RNF220: variants seen among roughly 807,000 people sequenced by gnomAD.
RNF220 encodes the protein ring finger protein 220, also known as E3 ubiquitin-protein ligase RNF220.
In RNF220, 7 loss-of-function variants were observed where a neutral mutation model predicts 67.1. The ratio of observed to expected loss-of-function variants is 0.10; its 90% CI spans 0.06 to 0.20. The LOEUF is 0.20. RNF220 is among the 10% of genes least tolerant of loss of function. The probability of loss-of-function intolerance (pLI) is 1.00; values close to 1 mark genes in which losing one functional copy is unlikely to be tolerated. For missense variants in RNF220, 565 were observed against 740.3 expected, an observed-to-expected ratio of 0.76 and a Z score of 2.75; for synonymous variants, 270 against 283.2, an observed-to-expected ratio of 0.95 and a Z score of 0.47.
chr1:44,489,480 TG>T (rs1656655517), intron 2 of RNF220, among the ~76,000 whole-genome samples: 1 of 152,232 alleles, frequency 6.6e-6, no homozygotes, highest in South Asian at 2.1e-4. Context: ...GTTATACAAT[TG>T]TTCATGCATT....
In RNF220 at chr1:44,624,341, G is replaced by A. The variant is rs868043684; in HGVS notation, c.804+1554G>A. Among the ~76,000 whole-genome samples the A allele has an allele frequency of 6.6e-5, 10 of 152,324 alleles. No homozygotes were observed. The highest frequency in any genetic ancestry group is 4.1e-4 in the South Asian group (2 of 4,828). ...CAGGGCTGGGGACTTGGACATCAGTGAGGCCTGTGTTCTAAGGACAAACCC... is the reference window on the plus strand; with the variant it reads ...CAGGGCTGGGGACTTGGACATCAGTAAGGCCTGTGTTCTAAGGACAAACCC... On this transcript the variant is annotated intron_variant, in intron 4 of 14. Coordinates refer to ENST00000361799, the MANE Select transcript of RNF220 (RefSeq NM_018150.4). The surrounding 1 kb of genome is among the most constrained non-coding windows in gnomAD (Gnocchi z 4.2).
chr1:44,424,504 G>T (rs903415457), intron 2 of RNF220, among the ~76,000 whole-genome samples: 4 of 152,210 alleles, frequency 2.6e-5, no homozygotes, highest in African/African-American at 4.8e-5. Context: ...TCGGGGGAAG[G>T]TTTCACCGAG....
intron 2 of RNF220, among the ~76,000 whole-genome samples, chr1:44,560,011 C>T (rs934982297): frequency 5.9e-5 from 9 of 152,184 alleles, no homozygotes; most frequent in Non-Finnish European, 1.2e-4. Flanking sequence ...CAGCACCTCC[C>T]GGCTCTCTGG....
intron 2 of RNF220, among the ~76,000 whole-genome samples, chr1:44,584,331 G>A (rs1665538107): frequency 6.6e-6 from 1 of 152,208 alleles, no homozygotes; most frequent in South Asian, 2.1e-4. Flanking sequence ...CAGCCGCTAG[G>A]AAGGAGCTGT....
intron 2 of RNF220, among the ~76,000 whole-genome samples, chr1:44,543,329 G>C (rs895744972): frequency 6.6e-6 from 1 of 152,182 alleles, no homozygotes; most frequent in Non-Finnish European, 1.5e-5. Flanking sequence ...GGGCTGGGGG[G>C]AGGGGAGGGG....
At chr1:44,546,734 A>G (rs184008694) in intron 2 of RNF220, among the ~76,000 whole-genome samples, 82 of 152,092 alleles carry the variant, frequency 5.4e-4, no homozygotes, top group African/African-American at 1.9e-3. Context: ...CCTCGCTGGC[A>G]CCCCAAAGCT....
intron 2 of RNF220, among the ~76,000 whole-genome samples, chr1:44,548,925 C>T (rs1019336965): frequency 6.6e-6 from 1 of 152,010 alleles, no homozygotes; most frequent in African/African-American, 2.4e-5. Flanking sequence ...ATTGGCCGGG[C>T]GTGGTGGCTT....
chr1:44,648,470 A>C (rs2148516247), intron 12 of RNF220: 1 of 152,296 alleles, frequency 6.6e-6, no homozygotes, highest in Admixed American at 6.5e-5. Context: ...ATTCTTCTCC[A>C]TCTGTGAGCT....
intron 2 of RNF220, among the ~76,000 whole-genome samples, chr1:44,429,298 A>G (rs1341319035): frequency 2.6e-5 from 4 of 152,222 alleles, no homozygotes; most frequent in Non-Finnish European, 5.9e-5. Context: ...AACAATGCAA[A>G]TTCTTCCAGA....
intron 2 of RNF220, among the ~76,000 whole-genome samples, chr1:44,467,741 G>A (rs1486055185): frequency 2.6e-5 from 4 of 152,016 alleles, no homozygotes; most frequent in African/African-American, 9.7e-5. Context: ...CTTTTCCTTT[G>A]CATTCACAGC....
intron 2 of RNF220, among the ~76,000 whole-genome samples, chr1:44,484,790 C>T (rs770152117): frequency 5.3e-5 from 8 of 152,188 alleles, no homozygotes; most frequent in African/African-American, 9.7e-5. Flanking sequence ...CTCTCCTATG[C>T]ATCTGGATTG....
chr1:44,618,459 T>C (rs930526184), intron 3 of RNF220, among the ~76,000 whole-genome samples: 1 of 152,208 alleles, frequency 6.6e-6, no homozygotes, highest in East Asian at 1.9e-4. Flanking sequence ...CACTTTTCCA[T>C]TTGAGATCAG....
chr1:44,444,533 C>T (rs925053690), intron 2 of RNF220, among the ~76,000 whole-genome samples: 2 of 152,112 alleles, frequency 1.3e-5, no homozygotes, highest in African/African-American at 2.4e-5. Flanking sequence ...CTCCATCTCC[C>T]AGGCTCAAGC....
At chr1:44,469,287 A>G (rs1304643282) in intron 2 of RNF220, among the ~76,000 whole-genome samples, 2 of 152,208 alleles carry the variant, frequency 1.3e-5, no homozygotes, top group South Asian at 2.1e-4. Context: ...GATAAAGGAA[A>G]GGTTTCCAAC....
chr1:44,590,628 T>G (rs1211372302), intron 2 of RNF220, among the ~76,000 whole-genome samples: 1 of 152,202 alleles, frequency 6.6e-6, no homozygotes, highest in Non-Finnish European at 1.5e-5. Flanking sequence ...TCAGTCCAGC[T>G]CCATGCCCAG....
intron 1 of RNF220, among the ~76,000 whole-genome samples, chr1:44,406,117 C>T (rs895581263): frequency 1.2e-4 from 19 of 152,192 alleles, no homozygotes; most frequent in Non-Finnish European, 2.2e-4. Flanking sequence ...ACCCCGACAG[C>T]CTCCACCCCA....
At chr1:44,472,367 G>C (rs947974460) in intron 2 of RNF220, among the ~76,000 whole-genome samples, 1 of 151,370 alleles carries the variant, frequency 6.6e-6, no homozygotes, top group South Asian at 2.1e-4. Context: ...AGTTTTCCTG[G>C]GTGCCACTTA....
At chr1:44,629,449 C>T (rs552523281) in intron 5 of RNF220, among the ~76,000 whole-genome samples, 1 of 152,314 alleles carries the variant, frequency 6.6e-6, no homozygotes, top group South Asian at 2.1e-4. Context: ...TTAGTACTGA[C>T]TCATGTTCAG....
intron 6 of RNF220, 148 bp from the exon 7 acceptor site, chr1:44,635,397 A>T: frequency 8.2e-7 from 1 of 1,222,952 alleles, no homozygotes; most frequent in Non-Finnish European, 1.1e-6. Flanking sequence ...AAGGAGCAGG[A>T]GGTATTTCAA....
Sources: allele counts gnomAD v4.1 joint callset (sites outside exome capture counted in the v4.1 genomes callset), GRCh38; gene constraint gnomAD v4.1.1; non-coding constraint Gnocchi (gnomAD v3.1); transcripts MANE v1.5; gene names NCBI Gene and HGNC (gene_info 2026-07-23, HGNC 2026-07-21).